FAM170A: variants seen among roughly 807,000 people sequenced by gnomAD.
FAM170A encodes the protein protein FAM170A.
Under a neutral mutation model 36.6 loss-of-function variants are expected in FAM170A, and 28 were observed. That is an observed-to-expected ratio of 0.76 (90% CI 0.57 to 1.05). The LOEUF (loss-of-function observed/expected upper bound fraction) is 1.05, where lower values mean the gene tolerates loss of function less well. Among genes scored for constraint, FAM170A ranks in the 50% least tolerant of loss-of-function variants. The pLI, the probability that FAM170A is intolerant of heterozygous loss-of-function variation, is 0.00. For missense variants in FAM170A, 434 were observed against 396.5 expected (o/e 1.09, Z -0.80); for synonymous variants, 156 against 143.9 (o/e 1.08, Z -0.60).
At chr5:119,634,257 G>A (rs1271673076) in exon 3 of FAM170A, 1 of 1,614,186 alleles carries the variant, frequency 6.2e-7, no homozygotes. Flanking sequence ...GTGAGGGTAG[G>A]TACTCCCCCC....
Position 119,632,636 on chromosome 5 carries a change from T to C in FAM170A, c.71-112T>C, listed in dbSNP as rs920703627. The C allele has an allele frequency of 6.2e-6, 6 of 971,388 alleles. No homozygotes were observed. In the African/African-American group the frequency reaches 6.5e-5, roughly 10 times the overall value. The allele number at this position is 971,388 out of a possible 1,614,324, so 60.2% of individuals were successfully genotyped here. ...AGAAGCCTGTCTCACAAACCATGTG[T>C]GTTCACTACACCTGACATAGGTCAG... On this transcript the variant is annotated intron_variant, in intron 1 of 4. Coordinates refer to ENST00000613773, the Ensembl canonical transcript of FAM170A.
chr5:119,635,093 A>C lies in FAM170A; in HGVS notation c.*52+7A>C. On this transcript the variant is annotated splice_region_variant and intron_variant, in intron 4 of 4. Transcript: ENST00000613773. ...TGGCCTTCTCTTGCAAGAGGTAAGG[A>C]GTGAGACTTGCAGTTTTCTGAGGCT... 3 of 1,591,906 alleles carry C rather than the reference A, an allele frequency of 1.9e-6. No individual in the cohort carries two copies. The highest frequency in any genetic ancestry group is 2.6e-6 in the Non-Finnish European group (3 of 1,160,012).
At chr5:119,630,919 G>A (rs1318145718) in intron 1 of FAM170A, among the ~76,000 whole-genome samples, 1 of 152,214 alleles carries the variant, frequency 6.6e-6, no homozygotes, top group Non-Finnish European at 1.5e-5. Context: ...ATGCTTGTTA[G>A]AAAGTAGATT....
exon 3 of FAM170A, chr5:119,634,031 A>T (rs370734809): frequency 6.2e-7 from 1 of 1,612,510 alleles, no homozygotes; most frequent in Non-Finnish European, 8.5e-7. Context: ...ACGAGGAGAG[A>T]CTCCTCCCCG....
chr5:119,630,134 G>T (rs1466410371), intron 1 of FAM170A, among the ~76,000 whole-genome samples: 2 of 121,550 alleles, frequency 1.6e-5, no homozygotes, highest in African/African-American at 6.5e-5. Flanking sequence ...CTCCTGATCC[G>T]CCTGCCTCGG....
chr5:119,633,851 T>C, intron 2 of FAM170A, 109 bp from the exon 3 acceptor site: 5 of 1,377,452 alleles, frequency 3.6e-6, no homozygotes, highest in Non-Finnish European at 5.0e-6. Context: ...ACTACACAGC[T>C]GCATCTCACC....
At chr5:119,631,514 AC>A (rs2126971701) in intron 1 of FAM170A, among the ~76,000 whole-genome samples, 1 of 152,212 alleles carries the variant, frequency 6.6e-6, no homozygotes, top group East Asian at 1.9e-4. Context: ...CCTGGGCAAC[AC>A]TCAATACACA....
chr5:119,635,146 G>A (rs1361124453), intron 4 of FAM170A, 60 bp downstream of exon 4: 111 of 1,261,610 alleles, frequency 8.8e-5, no homozygotes, highest in Non-Finnish European at 1.3e-4. Flanking sequence ...AGGAATCCAA[G>A]GGAAGGAGCT....
rs766287247 is a variant in FAM170A at position 119,634,663 on chromosome 5, AG to A, written c.916del (p.Glu306LysfsTer5). Reference sequence around the variant, plus strand: ...AGGAGGAGGAGGGGCAGCCCACAGAAGAAGACCTTGGCCTGAGGAGATCCTG... The same window carrying A: ...AGGAGGAGGAGGGGCAGCCCACAGAAAAGACCTTGGCCTGAGGAGATCCTG... On this transcript the variant is annotated frameshift_variant, in exon 3 of 5. Coordinates refer to ENST00000613773, the Ensembl canonical transcript of FAM170A. LOFTEE classifies it high-confidence loss of function. 5 of 1,595,438 alleles carry A rather than the reference AG, an allele frequency of 3.1e-6. No homozygotes were observed. The highest frequency in any genetic ancestry group is 3.4e-6 in the Non-Finnish European group (4 of 1,171,672).
intron 1 of FAM170A, among the ~76,000 whole-genome samples, chr5:119,631,706 C>G (rs749017539): frequency 2.0e-5 from 3 of 151,964 alleles, no homozygotes; most frequent in Non-Finnish European, 2.9e-5. Flanking sequence ...TCTTTTCTTC[C>G]TACAGAGATT....
chr5:119,634,312 T>C, exon 3 of FAM170A: 1 of 1,613,954 alleles, frequency 6.2e-7, no homozygotes. Context: ...GTGAGCCCAG[T>C]GGGGAGGAGA....
chr5:119,630,935 C>G (rs773000958), intron 1 of FAM170A, among the ~76,000 whole-genome samples: 1 of 152,186 alleles, frequency 6.6e-6, no homozygotes, highest in Non-Finnish European at 1.5e-5. Context: ...AGATTAAACA[C>G]TTGTTTAGGG....
rs547735521 is a variant in FAM170A at position 119,633,762 on chromosome 5, T to G, written c.212-198T>G. 2.0e-5 allele frequency among the ~76,000 whole-genome samples: 3 copies of G among 152,030 alleles called. No homozygotes were observed. The South Asian group carries it at 6.2e-4, about 32-fold the overall frequency. On this transcript the variant is annotated intron_variant, in intron 2 of 4. Coordinates refer to ENST00000613773, the Ensembl canonical transcript of FAM170A. ...CCACCATACTCCACACCCCTGTATATGGACACCCCACCAACATCCCTACAC... is the reference window on the plus strand; with the variant it reads ...CCACCATACTCCACACCCCTGTATAGGGACACCCCACCAACATCCCTACAC...
At chr5:119,635,058 G>A (rs757122624) in exon 4 of FAM170A, 2 of 1,613,934 alleles carry the variant, frequency 1.2e-6, no homozygotes, top group Non-Finnish European at 8.5e-7. Flanking sequence ...GAAGATACTG[G>A]AAGATGGTGT....
chr5:119,635,410 G>A (rs1756359988), intron 4 of FAM170A, among the ~76,000 whole-genome samples: 1 of 151,440 alleles, frequency 6.6e-6, no homozygotes, highest in Non-Finnish European at 1.5e-5. Context: ...AAGATCAGAG[G>A]TGTGGAGTCT....
At chr5:119,631,621 C>T (rs73793010) in intron 1 of FAM170A, among the ~76,000 whole-genome samples, 5,728 of 152,160 alleles carry the variant, frequency 0.038, 342 homozygotes, top group African/African-American at 0.13. Flanking sequence ...TCACACACCT[C>T]CACACACAGT....
exon 2 of FAM170A, chr5:119,632,835 C>G (rs746639231): frequency 6.2e-7 from 1 of 1,613,294 alleles, no homozygotes; most frequent in African/African-American, 1.3e-5. Context: ...GAAGTTACTT[C>G]TACCTCCGAA....
chr5:119,634,667 G>C (rs759080832), exon 3 of FAM170A: 9 of 1,590,096 alleles, frequency 5.7e-6, no homozygotes, highest in Non-Finnish European at 7.7e-6. Flanking sequence ...CACAGAAGAA[G>C]ACCTTGGCCT....
intron 4 of FAM170A, 51 bp downstream of exon 4, chr5:119,635,137 G>A: frequency 7.5e-7 from 1 of 1,326,638 alleles, no homozygotes; most frequent in Non-Finnish European, 1.1e-6. Flanking sequence ...AGGGCCCAGA[G>A]GAATCCAAGG....
Sources: gnomAD v4.1 joint callset for allele counts (sites outside exome capture counted in the v4.1 genomes callset) on GRCh38, gnomAD v4.1.1 for gene constraint, MANE v1.5 for transcripts, NCBI Gene and HGNC (gene_info 2026-07-23, HGNC 2026-07-21) for gene names.